The following GRID2 variants were observed in gnomAD, a reference collection of about 807,000 sequenced individuals.
GRID2 encodes the protein glutamate receptor ionotropic, delta-2.
In GRID2, 33 loss-of-function variants were observed where a neutral mutation model predicts 114.8. The ratio of observed to expected loss-of-function variants is 0.29; its 90% CI spans 0.22 to 0.38. The LOEUF (loss-of-function observed/expected upper bound fraction) is 0.38, where lower values mean the gene tolerates loss of function less well. Ranked by LOEUF, GRID2 falls within the 10% of genes least tolerant of loss-of-function variation. GRID2 has a pLI of 1.00. For synonymous variants in GRID2, 505 were observed against 449.9 expected, an observed-to-expected ratio of 1.12 and a Z score of -1.55; for missense variants, 1,184 against 1,257.7, an observed-to-expected ratio of 0.94 and a Z score of 0.89.
intron 2 of GRID2, among the ~76,000 whole-genome samples, chr4:92,930,484 T>C (rs1378129814): frequency 1.3e-5 from 2 of 151,138 alleles, no homozygotes; most frequent in Non-Finnish European, 3.0e-5. Context: ...TAATTGGTGA[T>C]ATTTCAAATT....
rs570318096 is a variant in GRID2, at chr4:93,535,434, T to A, written c.2193+20023T>A. On this transcript the variant is annotated intron_variant, in intron 13 of 15. Transcript: ENST00000282020. ...ATCCAGAAATGGGATTGCTAACTCA[T>A]ATGGTAGTTTCATTTTTAATTTTTC... Among the ~76,000 whole-genome samples, 3 of 152,188 alleles carry A rather than the reference T, an allele frequency of 2.0e-5. No individual in the cohort carries two copies. In the South Asian group the frequency reaches 6.2e-4, roughly 32 times the overall value.
chr4:93,441,437 A>G (rs1721610964), intron 10 of GRID2, among the ~76,000 whole-genome samples: 1 of 152,042 alleles, frequency 6.6e-6, no homozygotes, highest in Non-Finnish European at 1.5e-5. Flanking sequence ...ATAAAAATTT[A>G]TTATAGCCTA....
intron 8 of GRID2, among the ~76,000 whole-genome samples, chr4:93,285,350 GTTA>G (rs1321033814): frequency 6.6e-6 from 1 of 151,756 alleles, no homozygotes; most frequent in Non-Finnish European, 1.5e-5. Context: ...GGTACTTCTT[GTTA>G]TTTTATATTT....
At chr4:93,400,064 G>A (rs1765726694) in intron 9 of GRID2, among the ~76,000 whole-genome samples, 1 of 152,050 alleles carries the variant, frequency 6.6e-6, no homozygotes, top group African/African-American at 2.4e-5. Context: ...CCTCCATATA[G>A]CTAGCAGGAG....
intron 2 of GRID2, among the ~76,000 whole-genome samples, chr4:92,833,184 G>A (rs1041752046): frequency 2.6e-5 from 4 of 152,178 alleles, no homozygotes; most frequent in Non-Finnish European, 4.4e-5. Flanking sequence ...TCAAGGGCAC[G>A]ATGTAGACTG....
intron 2 of GRID2, among the ~76,000 whole-genome samples, chr4:92,663,305 A>C (rs1732607034): frequency 6.6e-6 from 1 of 151,218 alleles, no homozygotes; most frequent in Non-Finnish European, 1.5e-5. Flanking sequence ...CTGGAAAAAT[A>C]AAATGGGCTT....
chr4:93,624,620 G>C (rs544487914), intron 13 of GRID2, among the ~76,000 whole-genome samples: 29 of 152,088 alleles, frequency 1.9e-4, no homozygotes, highest in African/African-American at 6.7e-4. Flanking sequence ...AAGATATGTT[G>C]TCACCCCAGT....
At chr4:92,452,999 C>T (rs1304848595) in intron 1 of GRID2, among the ~76,000 whole-genome samples, 12 of 148,688 alleles carry the variant, frequency 8.1e-5, no homozygotes, top group Admixed American at 6.1e-4. Flanking sequence ...TCTATGTATC[C>T]ATGTAACTTA....
At chr4:93,293,317 G>A (rs1049070943) in intron 8 of GRID2, among the ~76,000 whole-genome samples, 1 of 152,082 alleles carries the variant, frequency 6.6e-6, no homozygotes, top group Admixed American at 6.6e-5. Flanking sequence ...ACAGTTATAC[G>A]CTGCTGAGTC....
intron 8 of GRID2, 35 bp from the exon 9 acceptor site, chr4:93,395,572 G>A: frequency 1.1e-6 from 1 of 914,024 alleles, no homozygotes; most frequent in Non-Finnish European, 1.8e-6. Flanking sequence ...CTGTTCTTCA[G>A]GCAGAAAAAT....
At chr4:92,979,035 A>G (rs894097024) in intron 2 of GRID2, among the ~76,000 whole-genome samples, 1 of 152,096 alleles carries the variant, frequency 6.6e-6, no homozygotes, top group African/African-American at 2.4e-5. Flanking sequence ...AAATAAAAAT[A>G]AAAATGAAAA....
chr4:92,721,644 A>G (rs1294194610), intron 2 of GRID2, among the ~76,000 whole-genome samples: 1 of 152,166 alleles, frequency 6.6e-6, no homozygotes, highest in Admixed American at 6.6e-5. Flanking sequence ...AATGCCAATA[A>G]AAGGATCTTA....
chr4:92,463,790 C>A (rs1721610624), intron 1 of GRID2, among the ~76,000 whole-genome samples: 1 of 152,082 alleles, frequency 6.6e-6, no homozygotes, highest in Non-Finnish European at 1.5e-5. Flanking sequence ...AGGTATTTAA[C>A]TCCCAATTGC....
chr4:92,596,914 T>C (rs560185711), intron 2 of GRID2, among the ~76,000 whole-genome samples: 2 of 151,944 alleles, frequency 1.3e-5, no homozygotes, highest in African/African-American at 2.4e-5. Context: ...GGAATAAAAA[T>C]GTATTTGAGG....
intron 1 of GRID2, among the ~76,000 whole-genome samples, chr4:93,792,242 C>T (rs1184822369): frequency 1.3e-5 from 2 of 152,064 alleles, no homozygotes; most frequent in East Asian, 3.9e-4. Context: ...AATTCTAATC[C>T]CACTTCCCTC....
intron 8 of GRID2, among the ~76,000 whole-genome samples, chr4:93,251,189 A>C (rs1434691468): frequency 6.6e-6 from 1 of 152,154 alleles, no homozygotes; most frequent in African/African-American, 2.4e-5. Context: ...CTGTATTTAA[A>C]TGTTTCATAT....
At chr4:93,433,751 C>T (rs770981199) in intron 10 of GRID2, among the ~76,000 whole-genome samples, 1 of 152,166 alleles carries the variant, frequency 6.6e-6, no homozygotes, top group African/African-American at 2.4e-5. Context: ...CATTGATTTT[C>T]CAGTGTCCTT....
intron 14 of GRID2, among the ~76,000 whole-genome samples, chr4:93,744,694 T>C (rs917101765): frequency 6.6e-6 from 1 of 152,224 alleles, no homozygotes; most frequent in Non-Finnish European, 1.5e-5. Context: ...ATTTAGTTGA[T>C]AAGACAGAGG....
chr4:92,634,273 A>C (rs894217555), intron 2 of GRID2, among the ~76,000 whole-genome samples: 1 of 152,274 alleles, frequency 6.6e-6, no homozygotes, highest in South Asian at 2.1e-4. Flanking sequence ...ATTCTCTACA[A>C]ATTTAAAAAT....
Sources: allele counts gnomAD v4.1 joint callset (sites outside exome capture counted in the v4.1 genomes callset), GRCh38; gene constraint gnomAD v4.1.1; transcripts MANE v1.5; gene names NCBI Gene and HGNC (gene_info 2026-07-23, HGNC 2026-07-21).